Variants in C5orf22 observed in about 807,000 individuals in gnomAD.
The protein encoded by C5orf22 is chromosome 5 open reading frame 22.
Under a neutral mutation model 48.7 loss-of-function variants are expected in C5orf22, and 36 were observed. The observed-to-expected ratio is 0.74, with a 90% confidence interval of 0.57 to 0.98. The LOEUF is 0.98. Among genes scored for constraint, C5orf22 ranks in the 50% least tolerant of loss-of-function variants. C5orf22 has a pLI of 0.00. For missense variants in C5orf22, 486 were observed against 521.9 expected (o/e 0.93, Z 0.67); for synonymous variants, 141 against 180.8 (o/e 0.78, Z 1.76).
intron 5 of C5orf22, 56 bp from the exon 6 acceptor site, chr5:31,541,225 T>A: frequency 6.4e-7 from 1 of 1,563,728 alleles, no homozygotes; most frequent in Non-Finnish European, 8.7e-7. Flanking sequence ...TAATGGGATG[T>A]TGCTTGTTTT....
At position 31,535,725 on chromosome 5, in the gene C5orf22, C is replaced by T. The variant is rs1448063861; in HGVS notation, c.228-19C>T. The stretch of plus-strand genomic sequence containing the variant: ...ATAAAAATAAAAGTTTTAATGTTGT[C>T]TCTATGTTTCTTTTCCAGAGAATTA... On this transcript the variant is annotated intron_variant, in intron 2 of 8. Coordinates refer to ENST00000325366, the MANE Select transcript of C5orf22 (RefSeq NM_018356.3). 3 of 1,558,102 alleles carry T rather than the reference C, an allele frequency of 1.9e-6. No homozygotes were observed. The highest frequency in any genetic ancestry group is 2.3e-5 in the East Asian group (1 of 44,148).
chr5:31,538,778 C>T (rs901878096), intron 4 of C5orf22, 89 bp downstream of exon 4: 2 of 949,940 alleles, frequency 2.1e-6, no homozygotes, highest in African/African-American at 3.3e-5. Flanking sequence ...AAACAGCCAG[C>T]TAGCAATTAT....
At chr5:31,544,986 T>C (rs1376094638) in intron 6 of C5orf22, among the ~76,000 whole-genome samples, 3 of 152,042 alleles carry the variant, frequency 2.0e-5, no homozygotes, top group Non-Finnish European at 2.9e-5. Flanking sequence ...TTTTTTTTTT[T>C]TTTTTTAGCT....
chr5:31,533,358 T>C (rs1472577746), intron 1 of C5orf22, among the ~76,000 whole-genome samples: 2 of 152,098 alleles, frequency 1.3e-5, no homozygotes, highest in Non-Finnish European at 2.9e-5. Flanking sequence ...GTAGCCAAAT[T>C]GGTGTCTTAA....
At chr5:31,538,967 G>A (rs374396433) in intron 4 of C5orf22, among the ~76,000 whole-genome samples, 31 of 152,278 alleles carry the variant, frequency 2.0e-4, no homozygotes, top group East Asian at 1.9e-3. Context: ...TTGGGGTAAT[G>A]TATACATGGG....
At chr5:31,546,290 G>A (rs1301981220) in intron 7 of C5orf22, among the ~76,000 whole-genome samples, 1 of 152,188 alleles carries the variant, frequency 6.6e-6, no homozygotes, top group African/African-American at 2.4e-5. Flanking sequence ...CTTGAGATGA[G>A]AAAGCTATAG....
intron 7 of C5orf22, among the ~76,000 whole-genome samples, chr5:31,546,727 T>G (rs991739202): frequency 3.3e-5 from 5 of 151,938 alleles, no homozygotes; most frequent in Non-Finnish European, 7.4e-5. Context: ...CTCGTGAGAC[T>G]CATTCACTAT....
At chr5:31,541,704 T>C (rs930417661) in intron 6 of C5orf22, among the ~76,000 whole-genome samples, 6 of 152,114 alleles carry the variant, frequency 3.9e-5, no homozygotes, top group African/African-American at 1.4e-4. Context: ...GCCAAGGAGT[T>C]TGAGGCTGTA....
intron 7 of C5orf22, chr5:31,548,705 C>T: frequency 2.8e-6 from 1 of 360,716 alleles, no homozygotes; most frequent in South Asian, 2.2e-5. Context: ...TTCAACAGTG[C>T]TCCACTCTAC....
intron 8 of C5orf22, among the ~76,000 whole-genome samples, chr5:31,551,683 G>A (rs910991466): frequency 6.6e-6 from 1 of 152,174 alleles, no homozygotes; most frequent in Non-Finnish European, 1.5e-5. Context: ...TTTGAAGGTG[G>A]AGGCCACAAG....
At position 31,541,515 on chromosome 5, in the gene C5orf22, A is replaced by G. The variant is rs535142486; in HGVS notation, c.992+113A>G. On this transcript the variant is annotated intron_variant, in intron 6 of 8. Coordinates refer to ENST00000325366, the MANE Select transcript of C5orf22 (RefSeq NM_018356.3). ...AAAAAGTAGTATTCAGCTACTTGGGACACTGAGGCAGGAGAGGACCACTTG... is the reference window on the plus strand; with the variant it reads ...AAAAAGTAGTATTCAGCTACTTGGGGCACTGAGGCAGGAGAGGACCACTTG... 322 of 1,155,460 alleles carry G rather than the reference A, an allele frequency of 2.8e-4. 1 individual carries two copies. Among genetic ancestry groups the G allele is most frequent in the Non-Finnish European group, 2.3e-4 (189 of 804,914 alleles). The allele number at this position is 1,155,460 out of a possible 1,614,324, so 71.6% of individuals were successfully genotyped here.
intron 7 of C5orf22, among the ~76,000 whole-genome samples, chr5:31,551,011 C>G (rs140394510): frequency 6.6e-6 from 1 of 152,236 alleles, no homozygotes; most frequent in Non-Finnish European, 1.5e-5. Context: ...ACCAACACTT[C>G]AGAGAGCAGA....
At chr5:31,545,166 C>A (rs1435117451) in intron 6 of C5orf22, among the ~76,000 whole-genome samples, 3 of 151,814 alleles carry the variant, frequency 2.0e-5, no homozygotes. Context: ...TCAAGCAATT[C>A]TCCTGCCTCA....
intron 6 of C5orf22, 44 bp downstream of exon 6, chr5:31,541,446 C>T: frequency 5.0e-6 from 8 of 1,604,412 alleles, no homozygotes; most frequent in Non-Finnish European, 6.8e-6. Flanking sequence ...TACTAACTTT[C>T]AGTCCTAGAT....
In C5orf22 at chr5:31,552,921, CT is replaced by C; in HGVS notation, c.*20del. ...ATCTTGAAACAAACAAAACATTAGGCTCCTGTTGTATCTTGGTTTAGTAACA... is the reference window on the plus strand; with the variant it reads ...ATCTTGAAACAAACAAAACATTAGGCCCTGTTGTATCTTGGTTTAGTAACA... On this transcript the variant is annotated 3_prime_UTR_variant, in exon 9 of 9. Transcript: ENST00000325366. The C allele has an allele frequency of 6.2e-7, 1 of 1,611,270 alleles. No homozygotes were observed. Among genetic ancestry groups the C allele is most frequent in the Non-Finnish European group, 8.5e-7 (1 of 1,178,416 alleles).
intron 7 of C5orf22, among the ~76,000 whole-genome samples, chr5:31,546,061 C>T (rs887017453): frequency 2.6e-5 from 4 of 152,074 alleles, no homozygotes; most frequent in Non-Finnish European, 4.4e-5. Flanking sequence ...TTTATACTGC[C>T]TTCTGCCTTC....
At position 31,541,017 on chromosome 5, in the gene C5orf22, C is replaced by T. The variant is rs771771749; in HGVS notation, c.870+6C>T. The T allele has an allele frequency of 1.7e-5, 27 of 1,602,052 alleles. No homozygotes were observed. In the East Asian group the frequency reaches 6.0e-4, roughly 36 times the overall value. On this transcript the variant is annotated splice_donor_region_variant and intron_variant, in intron 5 of 8. Coordinates refer to ENST00000325366, the MANE Select transcript of C5orf22 (RefSeq NM_018356.3). The stretch of plus-strand genomic sequence containing the variant: ...CTGGCACCAACCTAACAGAGGTATC[C>T]TCCATTTGTTTCTTTGGGGTTTTAT...
chr5:31,553,035 A>C lies in C5orf22; in HGVS notation c.*133A>C. On this transcript the variant is annotated 3_prime_UTR_variant, in exon 9 of 9. Transcript: ENST00000325366. Reference sequence around the variant, plus strand: ...AGTTGAAATCTTTCAGATATTTTGAATCTCTGAACAACCATTGTCAGTTGT... The same window carrying C: ...AGTTGAAATCTTTCAGATATTTTGACTCTCTGAACAACCATTGTCAGTTGT... The C allele has an allele frequency of 1.2e-6, 1 of 849,626 alleles. No individual in the cohort carries two copies. 52.6% of individuals were successfully genotyped at this position (849,626 alleles called of 1,614,324 possible). A position where few individuals can be genotyped will look rare whatever the true frequency, so the allele number is the denominator to read the frequency against.
chr5:31,532,508 C>A, intron 1 of C5orf22, 35 bp downstream of exon 1: 1 of 1,576,186 alleles, frequency 6.3e-7, no homozygotes, highest in Non-Finnish European at 8.7e-7. Flanking sequence ...GGGGCAGAAT[C>A]AGCGGAAGCC....
Sources: gnomAD v4.1 joint callset for allele counts (sites outside exome capture counted in the v4.1 genomes callset) on GRCh38, gnomAD v4.1.1 for gene constraint, MANE v1.5 for transcripts, NCBI Gene and HGNC (gene_info 2026-07-23, HGNC 2026-07-21) for gene names.